Variants in OSBP2 observed in about 807,000 individuals in gnomAD.
OSBP2 encodes oxysterol binding protein 2.
In OSBP2, 66 loss-of-function variants were observed where a neutral mutation model predicts 96.0. The ratio of observed to expected loss-of-function variants is 0.69; its 90% CI spans 0.56 to 0.84. The LOEUF is 0.84. Ranked by LOEUF, OSBP2 falls within the 40% of genes least tolerant of loss-of-function variation. The pLI, the probability that OSBP2 is intolerant of heterozygous loss-of-function variation, is 0.00. For missense variants in OSBP2, 1,038 were observed against 1,222.7 expected, an observed-to-expected ratio of 0.85 and a Z score of 2.25; for synonymous variants, 525 against 520.9, an observed-to-expected ratio of 1.01 and a Z score of -0.11.
intron 2 of OSBP2, among the ~76,000 whole-genome samples, chr22:30,849,140 C>T (rs975909180): frequency 1.4e-4 from 22 of 152,108 alleles, no homozygotes; most frequent in African/African-American, 4.3e-4. Context: ...TGATGGTGCA[C>T]GCCTGTAGTC....
At chr22:30,778,303 G>GCACACACACA (rs34574171) in intron 2 of OSBP2, among the ~76,000 whole-genome samples, 13,811 of 146,502 alleles carry the variant, frequency 0.094, 736 homozygotes, top group Non-Finnish European at 0.13. Flanking sequence ...GTGTGCATGT[G>GCACACACACA]CACACACACA....
At chr22:30,804,859 A>T (rs2090905148) in intron 2 of OSBP2, among the ~76,000 whole-genome samples, 2 of 152,244 alleles carry the variant, frequency 1.3e-5, no homozygotes, top group Non-Finnish European at 2.9e-5. Context: ...GTTTCATAAA[A>T]ATATGAAGTC....
At chr22:30,835,129 T>C (rs555170459) in intron 2 of OSBP2, among the ~76,000 whole-genome samples, 1 of 152,314 alleles carries the variant, frequency 6.6e-6, no homozygotes, top group East Asian at 1.9e-4. Context: ...ATAGTATCAC[T>C]TGCAGCACAA....
chr22:30,798,691 A>G (rs970258484), intron 2 of OSBP2, among the ~76,000 whole-genome samples: 3 of 152,188 alleles, frequency 2.0e-5, no homozygotes, highest in Non-Finnish European at 2.9e-5. Context: ...TTTTTTACCT[A>G]CTGAATGGTC....
At chr22:30,822,434 C>G in intron 2 of OSBP2, 2 of 1,075,954 alleles carry the variant, frequency 1.9e-6, no homozygotes, top group South Asian at 3.3e-5. Flanking sequence ...TCGGCTCCCG[C>G]GGCGCGGACG....
chr22:30,866,761 T>G (rs1244096059), intron 2 of OSBP2, among the ~76,000 whole-genome samples: 1 of 151,482 alleles, frequency 6.6e-6, no homozygotes, highest in African/African-American at 2.4e-5. Flanking sequence ...AAAAAAAATG[T>G]GTGTTGTTTC....
intron 2 of OSBP2, among the ~76,000 whole-genome samples, chr22:30,766,728 C>T (rs942748597): frequency 2.6e-5 from 4 of 152,094 alleles, no homozygotes; most frequent in African/African-American, 4.8e-5. Flanking sequence ...TCCATGACGC[C>T]GGGACAGGAA....
intron 1 of OSBP2, among the ~76,000 whole-genome samples, chr22:30,713,847 T>C (rs952254965): frequency 3.3e-5 from 5 of 152,212 alleles, no homozygotes; most frequent in African/African-American, 9.6e-5. Flanking sequence ...CCACGTGTAA[T>C]GATCAAATCA....
chr22:30,828,325 A>G (rs369550600), intron 2 of OSBP2, among the ~76,000 whole-genome samples: 2 of 152,192 alleles, frequency 1.3e-5, no homozygotes, highest in South Asian at 4.1e-4. Context: ...TAGGGCACAT[A>G]GTGTCCACAG....
intron 1 of OSBP2, among the ~76,000 whole-genome samples, chr22:30,716,345 C>T: frequency 6.6e-6 from 1 of 152,042 alleles, no homozygotes; most frequent in Non-Finnish European, 1.5e-5. Flanking sequence ...CCTGGCTGAG[C>T]ATCTTTTCAT....
At chr22:30,849,758 A>G (rs4820028) in intron 2 of OSBP2, among the ~76,000 whole-genome samples, 88,107 of 151,950 alleles carry the variant, frequency 0.58, 27,252 homozygotes, top group African/African-American at 0.81. Context: ...AGATGTTTCT[A>G]TTATGATTAG....
At chr22:30,733,440 C>T (rs201166907) in intron 1 of OSBP2, among the ~76,000 whole-genome samples, 2 of 152,218 alleles carry the variant, frequency 1.3e-5, no homozygotes, top group East Asian at 1.9e-4. Context: ...TTTCCATCCA[C>T]TTCCCATTTC....
intron 2 of OSBP2, among the ~76,000 whole-genome samples, chr22:30,813,604 T>C (rs1056578151): frequency 6.6e-6 from 1 of 152,092 alleles, no homozygotes; most frequent in African/African-American, 2.4e-5. Flanking sequence ...CTCACCCAGC[T>C]GCTGCAGGGA....
At chr22:30,810,168 G>A (rs1025527540) in intron 2 of OSBP2, among the ~76,000 whole-genome samples, 8 of 152,110 alleles carry the variant, frequency 5.3e-5, no homozygotes, top group African/African-American at 1.2e-4. Flanking sequence ...GTGAGAAGAC[G>A]ATGGGAGAGA....
chr22:30,722,715 TTC>T (rs887012473), intron 1 of OSBP2, among the ~76,000 whole-genome samples: 3 of 151,574 alleles, frequency 2.0e-5, no homozygotes, highest in Middle Eastern at 3.4e-3. Context: ...TTTCTCTTTT[TTC>T]TTTCTTTCTC....
At chr22:30,864,451 G>A (rs900818849) in intron 2 of OSBP2, among the ~76,000 whole-genome samples, 3 of 149,708 alleles carry the variant, frequency 2.0e-5, no homozygotes, top group African/African-American at 7.7e-5. Context: ...GCTCAGGAGT[G>A]GGAAAGTGCC....
At chr22:30,895,379 A>G (rs1442799546) in intron 12 of OSBP2, among the ~76,000 whole-genome samples, 1 of 152,246 alleles carries the variant, frequency 6.6e-6, no homozygotes, top group Non-Finnish European at 1.5e-5. Flanking sequence ...GACAAGAAAT[A>G]AAGAAAAATG....
chr22:30,888,039 G>A (rs1178766248), intron 4 of OSBP2, among the ~76,000 whole-genome samples, 184 bp from the exon 5 acceptor site: 1 of 152,150 alleles, frequency 6.6e-6, no homozygotes, highest in Admixed American at 6.5e-5. Flanking sequence ...TGCGTTGAAA[G>A]CACATGATTC....
intron 2 of OSBP2, among the ~76,000 whole-genome samples, chr22:30,776,905 G>C (rs2090445464): frequency 6.6e-6 from 1 of 152,158 alleles, no homozygotes; most frequent in African/African-American, 2.4e-5. Context: ...GGAGTCAAAG[G>C]AGATCATTTT....
Sources: gnomAD v4.1 joint callset for allele counts (sites outside exome capture counted in the v4.1 genomes callset) on GRCh38, gnomAD v4.1.1 for gene constraint, MANE v1.5 for transcripts, NCBI Gene and HGNC (gene_info 2026-07-23, HGNC 2026-07-21) for gene names.